The following SYNE2 variants were observed in gnomAD, a reference collection of about 807,000 sequenced individuals.
SYNE2 encodes spectrin repeat containing nuclear envelope protein 2.
Under a neutral mutation model 856.3 loss-of-function variants are expected in SYNE2, and 431 were observed. The observed-to-expected ratio is 0.50, with a 90% CI of 0.47 to 0.55. SYNE2 has a LOEUF of 0.55. Among genes scored for constraint, SYNE2 ranks in the 20% least tolerant of loss-of-function variants. SYNE2 has a pLI of 0.00. For missense variants in SYNE2, 8,129 were observed against 8,023.2 expected (o/e 1.01, Z -0.50); for synonymous variants, 2,923 against 2,872.3 (o/e 1.02, Z -0.56).
chr14:64,204,991 G>A (rs377157933), intron 100 of SYNE2, among the ~76,000 whole-genome samples: 13 of 152,184 alleles, frequency 8.5e-5, no homozygotes, highest in South Asian at 6.2e-4. Flanking sequence ...TGCCTTCAAC[G>A]CCGTCAACAT....
At chr14:63,881,259 G>A (rs1208465385) in intron 1 of SYNE2, among the ~76,000 whole-genome samples, 1 of 152,030 alleles carries the variant, frequency 6.6e-6, no homozygotes, top group Non-Finnish European at 1.5e-5. Context: ...GTTTGTAGGT[G>A]TGAGCCACCA....
chr14:64,155,575 T>TAAAA (rs562563652), intron 85 of SYNE2, among the ~76,000 whole-genome samples: 2 of 131,782 alleles, frequency 1.5e-5, no homozygotes, highest in African/African-American at 2.8e-5. Context: ...TTCAATAAAG[T>TAAAA]AAAAAAAAAA....
In SYNE2 at chr14:63,951,624, G is replaced by A. The variant is rs12436834; in HGVS notation, c.590+1618G>A. 4.6e-3 allele frequency among the ~76,000 whole-genome samples: 693 copies of A among 152,164 alleles called. 19 individuals carry two copies. The highest frequency in any genetic ancestry group is 0.04 in the Admixed American group (615 of 15,262). ...GGCCCAGCCTTACTTTTCTTTAATT[G>A]TCATTCGTTCTCTATATTTTATGAG... On this transcript the variant is annotated intron_variant, in intron 7 of 115. Transcript: ENST00000555002.
At chr14:63,819,260 T>C (rs1281766040) in intron 1 of SYNE2, among the ~76,000 whole-genome samples, 1 of 152,074 alleles carries the variant, frequency 6.6e-6, no homozygotes. Flanking sequence ...AGACAGAGTT[T>C]TGCTCTTGTT....
chr14:64,062,113 A>G (rs1051059415), intron 49 of SYNE2, among the ~76,000 whole-genome samples: 6 of 152,190 alleles, frequency 3.9e-5, no homozygotes, highest in African/African-American at 1.4e-4. Flanking sequence ...TATATAAAAT[A>G]TCAAATATCC....
chr14:64,065,958 C>T (rs984852282), intron 51 of SYNE2, among the ~76,000 whole-genome samples: 1 of 152,134 alleles, frequency 6.6e-6, no homozygotes, highest in African/African-American at 2.4e-5. Context: ...ATAACTGTCT[C>T]TACATTATAC....
intron 57 of SYNE2, chr14:64,084,201 G>C (rs2097543635): frequency 6.6e-6 from 1 of 152,226 alleles, no homozygotes; most frequent in Non-Finnish European, 1.5e-5. Flanking sequence ...TGGGAGTACA[G>C]GCGTGAGCCA....
At chr14:64,141,601 T>G in intron 81 of SYNE2, 78 bp downstream of exon 81, 1 of 1,463,876 alleles carries the variant, frequency 6.8e-7, no homozygotes, top group Non-Finnish European at 9.5e-7. Context: ...TTTCTCTGAC[T>G]CAATAATTTT....
At chr14:63,864,796 G>GTT in intron 1 of SYNE2, among the ~76,000 whole-genome samples, 1 of 152,172 alleles carries the variant, frequency 6.6e-6, no homozygotes, top group Non-Finnish European at 1.5e-5. Flanking sequence ...GAGTCTGCCT[G>GTT]TTTATGCCCC....
chr14:64,144,580 A>G (rs961447020), intron 83 of SYNE2, among the ~76,000 whole-genome samples: 7 of 152,198 alleles, frequency 4.6e-5, no homozygotes, highest in African/African-American at 1.4e-4. Context: ...GATACTCAAA[A>G]TAAACACTGT....
At chr14:63,900,520 G>A (rs8008325) in intron 1 of SYNE2, among the ~76,000 whole-genome samples, 2,969 of 152,118 alleles carry the variant, frequency 0.02, 106 homozygotes, top group African/African-American at 0.068. Context: ...GTGCAGGAAA[G>A]ACCCACCGCC....
intron 1 of SYNE2, among the ~76,000 whole-genome samples, chr14:63,871,048 A>G (rs1197195263): frequency 6.6e-6 from 1 of 152,104 alleles, no homozygotes; most frequent in Non-Finnish European, 1.5e-5. Context: ...TAGAATGCTA[A>G]GATTTGATGG....
chr14:64,166,299 A>G (rs767542875), intron 90 of SYNE2, among the ~76,000 whole-genome samples: 2 of 152,192 alleles, frequency 1.3e-5, no homozygotes, highest in African/African-American at 4.8e-5. Context: ...CAGAGACCAT[A>G]TGGCCCACAA....
intron 32 of SYNE2, among the ~76,000 whole-genome samples, chr14:64,013,138 TG>T: frequency 6.6e-6 from 1 of 152,338 alleles, no homozygotes; most frequent in Non-Finnish European, 1.5e-5. Context: ...CCCATAGTTC[TG>T]CCAATGCTAA....
chr14:63,851,952 C>T (rs1476059116), upstream of SYNE2, among the ~76,000 whole-genome samples: 2 of 115,300 alleles, frequency 1.7e-5, no homozygotes, highest in African/African-American at 3.6e-5. Flanking sequence ...TGGTGTCGTG[C>T]GCCTGTGGTC....
intron 1 of SYNE2, among the ~76,000 whole-genome samples, chr14:63,815,327 G>A (rs563894780): frequency 9.3e-5 from 14 of 150,082 alleles, no homozygotes; most frequent in African/African-American, 3.4e-4. Flanking sequence ...TGCAAGCTGA[G>A]GAGCAAGGAA....
At position 64,097,943 on chromosome 14, in the gene SYNE2, A is replaced by T; in HGVS notation, c.12109-6A>T. ...TCAAACCTATGCAAACACTCTTTCT[A>T]CACAGGGAGAAATCGAACGTATGGA... On this transcript the variant is annotated splice_region_variant and splice_polypyrimidine_tract_variant and intron_variant, in intron 61 of 115. Transcript: ENST00000555002. The T allele has an allele frequency of 6.2e-7, 1 of 1,614,190 alleles. No homozygotes were observed. The highest frequency in any genetic ancestry group is 8.5e-7 in the Non-Finnish European group (1 of 1,180,010).
intron 7 of SYNE2, among the ~76,000 whole-genome samples, chr14:63,950,550 T>C (rs2096136117): frequency 6.6e-6 from 1 of 151,904 alleles, no homozygotes; most frequent in Non-Finnish European, 1.5e-5. Flanking sequence ...AGCGAAACTC[T>C]TGTCACACAC....
At chr14:64,111,231 G>T (rs930419547) in intron 65 of SYNE2, among the ~76,000 whole-genome samples, 2 of 151,788 alleles carry the variant, frequency 1.3e-5, no homozygotes, top group Non-Finnish European at 2.9e-5. Flanking sequence ...GCATATAACA[G>T]GTGCTCAAAT....
Sources: gnomAD v4.1 joint callset for allele counts (sites outside exome capture counted in the v4.1 genomes callset) on GRCh38, gnomAD v4.1.1 for gene constraint, MANE v1.5 for transcripts, NCBI Gene and HGNC (gene_info 2026-07-23, HGNC 2026-07-21) for gene names.